Variants in FRMD3 observed in about 807,000 individuals in gnomAD.
The protein encoded by FRMD3 is FERM domain-containing protein 3.
Under a neutral mutation model 70.2 loss-of-function variants are expected in FRMD3, and 33 were observed. That is an observed-to-expected ratio of 0.47 (90% CI 0.36 to 0.63). The LOEUF is 0.63. Ranked by LOEUF, FRMD3 falls within the 20% of genes least tolerant of loss-of-function variation. The pLI is 0.00. For missense variants in FRMD3, 632 were observed against 711.4 expected (o/e 0.89, Z 1.27); for synonymous variants, 279 against 255.9 (o/e 1.09, Z -0.86).
chr9:83,450,355 T>G (rs865925862), intron 1 of FRMD3, among the ~76,000 whole-genome samples: 25 of 139,348 alleles, frequency 1.8e-4, no homozygotes, highest in African/African-American at 5.5e-4. Flanking sequence ...CAGTTTTTTT[T>G]TTTTTTTTTT....
chr9:83,542,212 C>A (rs1299489337), upstream of FRMD3, among the ~76,000 whole-genome samples: 1 of 152,178 alleles, frequency 6.6e-6, no homozygotes, highest in African/African-American at 2.4e-5. Flanking sequence ...AACTGATATT[C>A]TTTACCAAAA....
Position 83,346,117 on chromosome 9 carries a change from G to C in FRMD3, c.375-2830C>G, listed in dbSNP as rs189282006. ...CTAAAAATACAAAAATTAGCTAGGCGTGCTGGCTTGTGCCTGTAATCCTAG... is the reference window on the plus strand; with the variant it reads ...CTAAAAATACAAAAATTAGCTAGGCCTGCTGGCTTGTGCCTGTAATCCTAG... On this transcript the variant is annotated intron_variant, in intron 4 of 13. Transcript: ENST00000304195. Among the ~76,000 whole-genome samples the C allele has an allele frequency of 3.2e-3, 484 of 152,010 alleles. 2 individuals carry two copies. Among genetic ancestry groups the C allele is most frequent in the African/African-American group, 0.011 (458 of 41,482 alleles).
intron 1 of FRMD3, among the ~76,000 whole-genome samples, chr9:83,521,071 G>A (rs1829561490): frequency 2.0e-5 from 3 of 149,358 alleles, no homozygotes; most frequent in Admixed American, 2.0e-4. Context: ...CCTGGGAGAT[G>A]GAGGTTGCAG....
chr9:83,378,700 T>C (rs1253005208), intron 2 of FRMD3, among the ~76,000 whole-genome samples: 2 of 114,684 alleles, frequency 1.7e-5, no homozygotes, highest in Non-Finnish European at 3.5e-5. Context: ...ATATTATATA[T>C]AATATGTATA....
At chr9:83,351,125 C>T (rs917535403) in intron 3 of FRMD3, 15 of 207,814 alleles carry the variant, frequency 7.2e-5, no homozygotes, top group South Asian at 1.7e-4. Context: ...AAACTGCCAT[C>T]CAATTCTACA....
At chr9:83,414,963 C>T (rs377521525) in intron 1 of FRMD3, among the ~76,000 whole-genome samples, 15 of 152,200 alleles carry the variant, frequency 9.9e-5, no homozygotes, top group African/African-American at 3.4e-4. Context: ...AGGGGAACCA[C>T]CAGAGGTGAT....
intron 6 of FRMD3, among the ~76,000 whole-genome samples, chr9:83,335,284 A>C (rs748482186): frequency 1.3e-5 from 2 of 152,354 alleles, no homozygotes; most frequent in Non-Finnish European, 2.9e-5. Flanking sequence ...TGGATCTAAT[A>C]ACTACTGATG....
the FRMD3 span, among the ~76,000 whole-genome samples, chr9:83,566,190 ATGG>A: frequency 1.3e-5 from 2 of 152,206 alleles, no homozygotes; most frequent in African/African-American, 4.8e-5. Context: ...CCCTTCTTAC[ATGG>A]TGGCAGCAAG....
the FRMD3 span, among the ~76,000 whole-genome samples, chr9:83,559,286 A>T: frequency 6.6e-6 from 1 of 152,216 alleles, no homozygotes; most frequent in Non-Finnish European, 1.5e-5. Context: ...CCACCAGCAA[A>T]AAGATTATGA....
chr9:83,386,286 C>T (rs535736587), intron 2 of FRMD3, among the ~76,000 whole-genome samples: 1 of 152,142 alleles, frequency 6.6e-6, no homozygotes, highest in Non-Finnish European at 1.5e-5. Flanking sequence ...ACACTCACAT[C>T]GTATCCTCAA....
chr9:83,534,916 A>G (rs1829861209), intron 1 of FRMD3, among the ~76,000 whole-genome samples: 1 of 152,110 alleles, frequency 6.6e-6, no homozygotes, highest in Admixed American at 6.5e-5. Flanking sequence ...GCCTTCAGTC[A>G]CTGGTTTAAA....
chr9:83,451,423 A>T (rs1380404512), intron 1 of FRMD3, among the ~76,000 whole-genome samples: 1 of 150,904 alleles, frequency 6.6e-6, no homozygotes, highest in African/African-American at 2.4e-5. Context: ...ACACACACGG[A>T]AGTACTGACT....
intron 1 of FRMD3, among the ~76,000 whole-genome samples, chr9:83,390,457 C>T (rs963576387): frequency 9.2e-5 from 14 of 152,198 alleles, no homozygotes; most frequent in African/African-American, 3.1e-4. Context: ...TAAACCAACA[C>T]AGAAAGGCAG....
At chr9:83,444,212 A>G (rs1827390610) in intron 1 of FRMD3, among the ~76,000 whole-genome samples, 1 of 152,228 alleles carries the variant, frequency 6.6e-6, no homozygotes, top group Admixed American at 6.5e-5. Context: ...ACCTGTTCAC[A>G]TGGGAGATGC....
In FRMD3 at chr9:83,289,986, C is replaced by A. The variant is rs188681330; in HGVS notation, c.1195+617G>T. ...ACAAATGTGGGGGTTGCAGTGGACACTTCACTTTTTTTTAGCTTGTATCAA... is the reference window on the plus strand; with the variant it reads ...ACAAATGTGGGGGTTGCAGTGGACAATTCACTTTTTTTTAGCTTGTATCAA... On this transcript the variant is annotated intron_variant, in intron 13 of 13. Coordinates refer to ENST00000304195, the MANE Select transcript of FRMD3 (RefSeq NM_174938.6). 1.3e-4 allele frequency among the ~76,000 whole-genome samples: 20 copies of A among 152,216 alleles called. No individual in the cohort carries two copies. In the East Asian group the frequency reaches 3.7e-3, roughly 28 times the overall value.
intron 13 of FRMD3, among the ~76,000 whole-genome samples, chr9:83,273,065 C>T (rs183064811): frequency 9.7e-6 from 1 of 102,924 alleles, no homozygotes; most frequent in South Asian, 2.9e-4. Flanking sequence ...GGGGGCGCCT[C>T]TGCCCGGCCA....
At chr9:83,445,443 T>A (rs540676763) in intron 1 of FRMD3, among the ~76,000 whole-genome samples, 1 of 152,286 alleles carries the variant, frequency 6.6e-6, no homozygotes, top group South Asian at 2.1e-4. Flanking sequence ...ATCCAGAAGA[T>A]ATGCTCCAAA....
intron 1 of FRMD3, among the ~76,000 whole-genome samples, chr9:83,392,146 T>C (rs983230888): frequency 2.6e-5 from 4 of 151,964 alleles, no homozygotes; most frequent in Non-Finnish European, 5.9e-5. Context: ...AGTCCTTTCC[T>C]GCCTTGGGTA....
intron 10 of FRMD3, among the ~76,000 whole-genome samples, chr9:83,308,745 G>A (rs538503871): frequency 2.8e-4 from 42 of 152,226 alleles, no homozygotes; most frequent in African/African-American, 9.9e-4. Context: ...ATGATCCTAG[G>A]CTCTGACAGC....
Sources: gnomAD v4.1 joint callset for allele counts (sites outside exome capture counted in the v4.1 genomes callset) on GRCh38, gnomAD v4.1.1 for gene constraint, MANE v1.5 for transcripts, NCBI Gene and HGNC (gene_info 2026-07-23, HGNC 2026-07-21) for gene names.